The following CSMD1 variants were observed in gnomAD, a reference collection of about 807,000 sequenced individuals.
CSMD1 encodes CUB and Sushi multiple domains 1, also known as CUB and sushi domain-containing protein 1.
In CSMD1, 213 loss-of-function variants were observed where a neutral mutation model predicts 417.5. The ratio of observed to expected loss-of-function variants is 0.51; its 90% confidence interval spans 0.46 to 0.57. CSMD1 has a LOEUF of 0.57. CSMD1 is among the 20% of genes least tolerant of loss of function. The pLI is 0.00. For synonymous variants in CSMD1, 2,862 were observed against 1,736.8 expected (o/e 1.65, Z -16.11); for missense variants, 6,923 against 4,529.7 (o/e 1.53, Z -15.17).
rs1371427127 is a variant in CSMD1, at chr8:4,296,998, G to C, written c.415+122955C>G. On this transcript the variant is annotated intron_variant, in intron 3 of 69. Coordinates refer to ENST00000635120, the MANE Select transcript of CSMD1 (RefSeq NM_033225.6). ...TGACAATAGTGCAAAGAAGTACAAA[G>C]ACAGGAATAGGAAGTGCTGGGAAAG... Among the ~76,000 whole-genome samples the C allele has an allele frequency of 5.9e-5, 9 of 152,042 alleles. 1 individual carries two copies. Among genetic ancestry groups the C allele is most frequent in the Non-Finnish European group, 2.9e-5 (2 of 68,004 alleles).
At position 4,311,033 on chromosome 8, in the gene CSMD1, A is replaced by G. The variant is rs987391133; in HGVS notation, c.415+108920T>C. On this transcript the variant is annotated intron_variant, in intron 3 of 69. Coordinates refer to ENST00000635120, the MANE Select transcript of CSMD1 (RefSeq NM_033225.6). ...GGCAAGGATGTGGAGAAAAGGGAAC[A>G]CTTATACACCACTGGTGGGAGTGTA... 2.6e-5 allele frequency among the ~76,000 whole-genome samples: 4 copies of G among 152,310 alleles called. No individual in the cohort carries two copies. In the East Asian group the frequency reaches 7.7e-4, roughly 29 times the overall value.
At chr8:4,834,576 G>C (rs1288573098) in intron 1 of CSMD1, among the ~76,000 whole-genome samples, 1 of 151,940 alleles carries the variant, frequency 6.6e-6, no homozygotes, top group Non-Finnish European at 1.5e-5. Context: ...GAAGTAATAC[G>C]AGTTCAAAAA....
chr8:3,912,191 G>C (rs1006125305), intron 5 of CSMD1, among the ~76,000 whole-genome samples: 1 of 152,136 alleles, frequency 6.6e-6, no homozygotes, highest in African/African-American at 2.4e-5. Context: ...AATGATTTCA[G>C]AGAAATCGTT....
At chr8:4,076,039 G>T (rs1051542115) in intron 3 of CSMD1, among the ~76,000 whole-genome samples, 2 of 152,130 alleles carry the variant, frequency 1.3e-5, no homozygotes, top group African/African-American at 4.8e-5. Flanking sequence ...ATTATGGAAA[G>T]ATAAGTGATA....
intron 5 of CSMD1, among the ~76,000 whole-genome samples, chr8:3,765,640 G>A: frequency 6.6e-6 from 1 of 152,194 alleles, no homozygotes; most frequent in East Asian, 1.9e-4. Flanking sequence ...TGAACCCTAA[G>A]ATGATAAAGC....
chr8:3,547,456 A>G (rs898683119), intron 10 of CSMD1, among the ~76,000 whole-genome samples: 1 of 152,222 alleles, frequency 6.6e-6, no homozygotes, highest in African/African-American at 2.4e-5. Context: ...ACGGATCAGT[A>G]GGTCAATGAT....
At chr8:3,981,400 T>C (rs565418479) in intron 5 of CSMD1, among the ~76,000 whole-genome samples, 6 of 150,784 alleles carry the variant, frequency 4.0e-5, no homozygotes, top group East Asian at 3.9e-4. Flanking sequence ...CAGTGTATAC[T>C]GCTTAGGTGA....
At chr8:4,794,872 TG>T (rs1463306141) in intron 1 of CSMD1, among the ~76,000 whole-genome samples, 1 of 152,134 alleles carries the variant, frequency 6.6e-6, no homozygotes, top group African/African-American at 2.4e-5. Flanking sequence ...CAGGTGATGA[TG>T]ACTGCAGATT....
chr8:3,867,131 T>G (rs1340325579), intron 5 of CSMD1, among the ~76,000 whole-genome samples: 1 of 152,204 alleles, frequency 6.6e-6, no homozygotes, highest in East Asian at 1.9e-4. Context: ...ACTATACTGT[T>G]TTTCCACTGA....
At chr8:3,583,827 T>A (rs985239774) in intron 9 of CSMD1, among the ~76,000 whole-genome samples, 2 of 151,792 alleles carry the variant, frequency 1.3e-5, no homozygotes, top group African/African-American at 4.8e-5. Flanking sequence ...AAGTATTAGG[T>A]CCCAGAAAGG....
At chr8:3,988,682 C>G (rs1383366381) in intron 5 of CSMD1, among the ~76,000 whole-genome samples, 3 of 152,192 alleles carry the variant, frequency 2.0e-5, no homozygotes, top group African/African-American at 7.2e-5. Context: ...TTCATTTTTA[C>G]TAAGTGATAT....
intron 11 of CSMD1, among the ~76,000 whole-genome samples, chr8:3,480,385 G>T (rs187219681): frequency 6.6e-6 from 1 of 151,792 alleles, no homozygotes; most frequent in Non-Finnish European, 1.5e-5. Context: ...AAATTAAAAG[G>T]AAAAACGAAT....
intron 57 of CSMD1, among the ~76,000 whole-genome samples, chr8:2,971,078 T>C (rs1804416550): frequency 6.6e-6 from 1 of 152,216 alleles, no homozygotes; most frequent in South Asian, 2.1e-4. Flanking sequence ...CAGTATGTAT[T>C]TCCTAAGAAC....
intron 9 of CSMD1, among the ~76,000 whole-genome samples, chr8:3,575,565 A>G (rs1563167434): frequency 1.3e-5 from 2 of 152,200 alleles, no homozygotes; most frequent in Non-Finnish European, 2.9e-5. Context: ...TTCAACTTTA[A>G]AAAAGGGTTT....
chr8:4,718,694 T>A (rs1214205417), intron 1 of CSMD1, among the ~76,000 whole-genome samples: 1 of 151,996 alleles, frequency 6.6e-6, no homozygotes, highest in African/African-American at 2.4e-5. Context: ...ATTCAATAGG[T>A]GACAGGAAGT....
intron 1 of CSMD1, among the ~76,000 whole-genome samples, chr8:4,722,640 G>C (rs1025369467): frequency 5.9e-5 from 9 of 152,042 alleles, no homozygotes; most frequent in Middle Eastern, 3.4e-3. Flanking sequence ...CAATGTAATA[G>C]TCTCAGCATC....
chr8:4,174,412 C>A (rs1797927600), intron 3 of CSMD1, among the ~76,000 whole-genome samples: 1 of 152,030 alleles, frequency 6.6e-6, no homozygotes, highest in South Asian at 2.1e-4. Context: ...AGAGAAATTG[C>A]ACTTCACCGT....
intron 10 of CSMD1, among the ~76,000 whole-genome samples, chr8:3,552,250 G>A (rs986802970): frequency 2.0e-5 from 3 of 152,102 alleles, no homozygotes; most frequent in Non-Finnish European, 4.4e-5. Context: ...ACAAAAAAGT[G>A]TATCGACACA....
intron 1 of CSMD1, among the ~76,000 whole-genome samples, chr8:4,688,108 G>A (rs1806507222): frequency 6.6e-6 from 1 of 152,102 alleles, no homozygotes; most frequent in African/African-American, 2.4e-5. Context: ...CATTCATGTA[G>A]AAATTGGAGG....
Sources: gnomAD v4.1 joint callset for allele counts (sites outside exome capture counted in the v4.1 genomes callset) on GRCh38, gnomAD v4.1.1 for gene constraint, MANE v1.5 for transcripts, NCBI Gene and HGNC (gene_info 2026-07-23, HGNC 2026-07-21) for gene names.